The following AK5 variants were observed in gnomAD, a reference collection of about 807,000 sequenced individuals.
AK5 encodes adenylate kinase isoenzyme 5.
In AK5, 27 loss-of-function variants were observed where a neutral mutation model predicts 69.5. That is an observed-to-expected ratio of 0.39 (90% CI 0.29 to 0.54). The LOEUF (loss-of-function observed/expected upper bound fraction) is 0.54. AK5 is among the 20% of genes least tolerant of loss of function. The probability of loss-of-function intolerance (pLI) is 0.71; values close to 1 mark genes in which losing one functional copy is unlikely to be tolerated. For synonymous variants in AK5, 260 were observed against 244.4 expected, an observed-to-expected ratio of 1.06 and a Z score of -0.60; for missense variants, 531 against 700.4, an observed-to-expected ratio of 0.76 and a Z score of 2.73.
intron 5 of AK5, among the ~76,000 whole-genome samples, chr1:77,329,455 G>A (rs2100348969): frequency 6.6e-6 from 1 of 152,180 alleles, no homozygotes; most frequent in Middle Eastern, 3.4e-3. Context: ...TAAATGGGGT[G>A]TTTCTGTGTT....
At chr1:77,509,416 T>C (rs902013523) in intron 10 of AK5, among the ~76,000 whole-genome samples, 1 of 152,222 alleles carries the variant, frequency 6.6e-6, no homozygotes, top group African/African-American at 2.4e-5. Flanking sequence ...AACAGCCTGC[T>C]GAAGCTTGGC....
chr1:77,548,206 T>C (rs148687334), intron 13 of AK5, among the ~76,000 whole-genome samples: 45 of 152,322 alleles, frequency 3.0e-4, no homozygotes, highest in Middle Eastern at 3.4e-3. Flanking sequence ...GTCATCCTTA[T>C]ATTTTTGCTG....
At chr1:77,417,019 G>A (rs1338726902) in intron 7 of AK5, among the ~76,000 whole-genome samples, 1 of 152,108 alleles carries the variant, frequency 6.6e-6, no homozygotes, top group African/African-American at 2.4e-5. Context: ...CTGATTTAAT[G>A]AAACCTGTAG....
At chr1:77,328,303 A>G (rs1429187746) in intron 5 of AK5, among the ~76,000 whole-genome samples, 1 of 152,172 alleles carries the variant, frequency 6.6e-6, no homozygotes, top group Admixed American at 6.5e-5. Flanking sequence ...GTTCAAGACC[A>G]GCCTGACCAA....
chr1:77,379,638 T>C (rs1647485752), intron 6 of AK5, among the ~76,000 whole-genome samples: 1 of 152,168 alleles, frequency 6.6e-6, no homozygotes, highest in Non-Finnish European at 1.5e-5. Context: ...ACATCTTAGG[T>C]AGGAATTTGG....
At chr1:77,419,964 T>A (rs997866284) in intron 8 of AK5, among the ~76,000 whole-genome samples, 2 of 152,200 alleles carry the variant, frequency 1.3e-5, no homozygotes, top group African/African-American at 4.8e-5. Flanking sequence ...CAAGTATTAA[T>A]TGGACACCGA....
intron 13 of AK5, among the ~76,000 whole-genome samples, chr1:77,537,720 A>G (rs1659046897): frequency 6.6e-6 from 1 of 152,196 alleles, no homozygotes; most frequent in African/African-American, 2.4e-5. Flanking sequence ...TTGATAATGA[A>G]TTCTTATCTT....
intron 5 of AK5, among the ~76,000 whole-genome samples, chr1:77,338,312 G>C (rs969301194): frequency 6.6e-6 from 1 of 152,108 alleles, no homozygotes; most frequent in Non-Finnish European, 1.5e-5. Context: ...GTGATAACTT[G>C]GATAGATAGA....
At chr1:77,466,882 C>T (rs901986905) in intron 8 of AK5, among the ~76,000 whole-genome samples, 1 of 152,180 alleles carries the variant, frequency 6.6e-6, no homozygotes, top group Non-Finnish European at 1.5e-5. Context: ...CCAAAACATT[C>T]AAACCATAGC....
Position 77,282,119 on chromosome 1 carries a change from G to T in AK5, c.-195G>T. On this transcript the variant is annotated 5_prime_UTR_variant, in exon 1 of 14. Coordinates refer to ENST00000354567, the MANE Select transcript of AK5 (RefSeq NM_174858.3). ...GAACCGAAGCGGGGGCGGCGGGAGC[G>T]CGGAGACCACAGCCCCCGGGGAGAG... is the stretch of plus-strand genomic sequence containing the variant. 2.3e-6 allele frequency: 1 copy of T among 435,938 alleles called. No homozygotes were observed. The highest frequency in any genetic ancestry group is 4.1e-6 in the Non-Finnish European group (1 of 246,752). The allele number at this position is 435,938 out of a possible 1,614,324, so 27.0% of individuals were successfully genotyped here.
intron 7 of AK5, among the ~76,000 whole-genome samples, chr1:77,414,874 A>G (rs1335677822): frequency 1.3e-5 from 2 of 152,160 alleles, no homozygotes; most frequent in African/African-American, 4.8e-5. Context: ...GTCAAACCTT[A>G]GAGTATTATT....
chr1:77,428,494 C>T (rs1413733199), intron 8 of AK5, among the ~76,000 whole-genome samples: 2 of 152,178 alleles, frequency 1.3e-5, no homozygotes, highest in African/African-American at 4.8e-5. Flanking sequence ...TAGCCCAGGC[C>T]TTCCACTCCA....
chr1:77,331,819 C>G (rs1349283828), intron 5 of AK5, among the ~76,000 whole-genome samples: 2 of 152,056 alleles, frequency 1.3e-5, no homozygotes, highest in African/African-American at 4.8e-5. Flanking sequence ...CCACCTAGGT[C>G]TATGGTTTTG....
intron 6 of AK5, among the ~76,000 whole-genome samples, chr1:77,361,930 C>G (rs1046347183): frequency 1.3e-5 from 2 of 152,090 alleles, no homozygotes; most frequent in Non-Finnish European, 2.9e-5. Context: ...GGTGGGGACA[C>G]AGCCAAATCA....
At chr1:77,472,285 G>C (rs1443851458) in intron 8 of AK5, among the ~76,000 whole-genome samples, 1 of 152,158 alleles carries the variant, frequency 6.6e-6, no homozygotes, top group East Asian at 1.9e-4. Context: ...CCTCCTTAAC[G>C]CATAGGGGAT....
At chr1:77,436,834 G>A (rs1651990076) in intron 8 of AK5, among the ~76,000 whole-genome samples, 1 of 152,066 alleles carries the variant, frequency 6.6e-6, no homozygotes, top group South Asian at 2.1e-4. Flanking sequence ...TACAGGCTGT[G>A]ACTATTAAGC....
chr1:77,320,249 C>T lies in AK5; in HGVS notation c.700-20128C>T, dbSNP rs147218915. 2.3e-4 allele frequency among the ~76,000 whole-genome samples: 35 copies of T among 152,142 alleles called. No homozygotes were observed. In the East Asian group the frequency reaches 6.2e-3, roughly 27 times the overall value. On this transcript the variant is annotated intron_variant, in intron 5 of 13. Transcript: ENST00000354567. ...TGATTCAATTACCTTGCATCTGGTC[C>T]CTACCTTGACACGTGGAGATTTTGG...
Position 77,282,228 on chromosome 1 carries a change from C to T in AK5, c.-86C>T. ...GCTGCACCGCTGCTCGGCGCGGACT[C>T]TGCCAGCCCCAGCTTCAGCCCCGGC... On this transcript the variant is annotated 5_prime_UTR_variant, in exon 1 of 14. Coordinates refer to ENST00000354567, the MANE Select transcript of AK5 (RefSeq NM_174858.3). 7.5e-7 allele frequency: 1 copy of T among 1,341,118 alleles called. No individual in the cohort carries two copies. Among genetic ancestry groups the T allele is most frequent in the Non-Finnish European group, 1.0e-6 (1 of 979,916 alleles). The allele number at this position is 1,341,118 out of a possible 1,614,324, so 83.1% of individuals were successfully genotyped here.
chr1:77,497,463 G>A (rs1041919449), intron 10 of AK5, among the ~76,000 whole-genome samples: 4 of 152,322 alleles, frequency 2.6e-5, no homozygotes, highest in Admixed American at 6.5e-5. Context: ...ACGAGGGTCC[G>A]TGGCTTCATT....
Sources: allele counts gnomAD v4.1 joint callset (sites outside exome capture counted in the v4.1 genomes callset), GRCh38; gene constraint gnomAD v4.1.1; transcripts MANE v1.5; gene names NCBI Gene and HGNC (gene_info 2026-07-23, HGNC 2026-07-21).